Variants in DAB1 observed in about 807,000 individuals in gnomAD.
DAB1 encodes DAB adaptor protein 1.
DAB1 carries 15 observed loss-of-function variants against 64.6 expected under a neutral mutation model. That is an observed-to-expected ratio of 0.23 (90% confidence interval 0.16 to 0.36). DAB1 has a LOEUF of 0.36. Ranked by LOEUF, DAB1 falls within the 10% of genes least tolerant of loss-of-function variation. The probability of loss-of-function intolerance (pLI) is 1.00; values close to 1 mark genes in which losing one functional copy is unlikely to be tolerated. For missense variants in DAB1, 596 were observed against 706.7 expected, an observed-to-expected ratio of 0.84 and a Z score of 1.78; for synonymous variants, 235 against 251.9, an observed-to-expected ratio of 0.93 and a Z score of 0.64.
At chr1:58,292,964 G>C (rs1661882202) in intron 4 of DAB1, among the ~76,000 whole-genome samples, 1 of 152,046 alleles carries the variant, frequency 6.6e-6, no homozygotes. Context: ...GCTTGCGAAT[G>C]GTGAAGTGGA....
intron 7 of DAB1, among the ~76,000 whole-genome samples, chr1:57,635,957 C>T (rs1287988739): frequency 1.3e-5 from 2 of 151,962 alleles, no homozygotes; most frequent in East Asian, 1.9e-4. Flanking sequence ...ATTAGCCAGG[C>T]GCGGTGGCGG....
At chr1:58,387,095 A>G (rs1267886193) in intron 3 of DAB1, among the ~76,000 whole-genome samples, 1 of 152,142 alleles carries the variant, frequency 6.6e-6, no homozygotes, top group Admixed American at 6.6e-5. Flanking sequence ...ACAAACAAAC[A>G]AAAAAAGTGT....
intron 5 of DAB1, among the ~76,000 whole-genome samples, chr1:58,066,226 T>C (rs954543537): frequency 6.6e-6 from 1 of 152,048 alleles, no homozygotes; most frequent in Non-Finnish European, 1.5e-5. Flanking sequence ...ATGAATAACA[T>C]GAGACACTGT....
At chr1:58,018,133 C>G (rs1646767721) in intron 5 of DAB1, among the ~76,000 whole-genome samples, 1 of 150,760 alleles carries the variant, frequency 6.6e-6, no homozygotes. Context: ...TTTTATACAC[C>G]AAGGCAACAC....
intron 7 of DAB1, among the ~76,000 whole-genome samples, chr1:57,451,482 A>G (rs1686361243): frequency 6.6e-6 from 1 of 152,142 alleles, no homozygotes; most frequent in Admixed American, 6.5e-5. Flanking sequence ...ATGTTTTGTG[A>G]TGTGTAGGAC....
chr1:57,676,395 G>A (rs1570727951), intron 6 of DAB1, among the ~76,000 whole-genome samples: 1 of 152,332 alleles, frequency 6.6e-6, no homozygotes, highest in African/African-American at 2.4e-5. Context: ...TCTGATCAAA[G>A]GAGGCTCCAG....
intron 3 of DAB1, among the ~76,000 whole-genome samples, chr1:58,448,346 A>G (rs1645094640): frequency 6.6e-6 from 1 of 152,186 alleles, no homozygotes; most frequent in Admixed American, 6.5e-5. Flanking sequence ...TAGATAGATA[A>G]GATAGGTAGA....
intron 2 of DAB1, among the ~76,000 whole-genome samples, chr1:57,161,328 T>C (rs969989288): frequency 2.6e-5 from 4 of 152,162 alleles, no homozygotes; most frequent in African/African-American, 9.7e-5. Context: ...CAACCAGAGC[T>C]AAAACTTTTC....
intron 2 of DAB1, among the ~76,000 whole-genome samples, chr1:57,156,143 C>T (rs908236530): frequency 2.7e-4 from 41 of 152,066 alleles, no homozygotes; most frequent in African/African-American, 9.9e-4. Flanking sequence ...AGTAGATGTG[C>T]CTCCGCTTTC....
chr1:57,361,447 T>C (rs917882119), intron 1 of DAB1, among the ~76,000 whole-genome samples: 1 of 152,158 alleles, frequency 6.6e-6, no homozygotes, highest in African/African-American at 2.4e-5. Context: ...GATGGTAACA[T>C]ATTGCATTAT....
chr1:58,535,118 A>C (rs1224118561), intron 1 of DAB1, among the ~76,000 whole-genome samples: 1 of 152,214 alleles, frequency 6.6e-6, no homozygotes, highest in Non-Finnish European at 1.5e-5. Flanking sequence ...GATTGAAAGG[A>C]AATTACTGAA....
chr1:58,238,751 A>G (rs909146857), intron 4 of DAB1, among the ~76,000 whole-genome samples: 3 of 152,170 alleles, frequency 2.0e-5, no homozygotes, highest in Non-Finnish European at 4.4e-5. Context: ...AGGTGAAATC[A>G]GGAAGAGAGC....
intron 5 of DAB1, among the ~76,000 whole-genome samples, chr1:58,142,298 A>C (rs1654332476): frequency 6.6e-6 from 1 of 152,246 alleles, no homozygotes; most frequent in African/African-American, 2.4e-5. Context: ...AGCAGCATTA[A>C]GCTGGTGTTT....
intron 3 of DAB1, among the ~76,000 whole-genome samples, chr1:58,450,295 A>G (rs1452661856): frequency 1.3e-5 from 2 of 152,146 alleles, no homozygotes; most frequent in Admixed American, 6.5e-5. Context: ...CCTTGACTCA[A>G]AGGTGACCTG....
intron 9 of DAB1, among the ~76,000 whole-genome samples, chr1:57,029,369 G>A (rs1646894801): frequency 6.6e-6 from 1 of 152,216 alleles, no homozygotes; most frequent in African/African-American, 2.4e-5. Flanking sequence ...CAAGGACAGG[G>A]CCCTCAGGAA....
intron 1 of DAB1, chr1:58,534,466 A>C (rs1646485638): frequency 5.7e-6 from 3 of 529,440 alleles, no homozygotes; most frequent in Non-Finnish European, 9.9e-6. Flanking sequence ...TATATTAAGC[A>C]CTGAAATTTC....
intron 2 of DAB1, among the ~76,000 whole-genome samples, chr1:57,146,691 C>T (rs1415220078): frequency 6.6e-6 from 1 of 152,202 alleles, no homozygotes; most frequent in East Asian, 1.9e-4. Context: ...TACTGAGCAT[C>T]TCCTCTGTAC....
intron 6 of DAB1, among the ~76,000 whole-genome samples, chr1:57,712,285 C>G (rs1647037276): frequency 1.3e-5 from 2 of 152,140 alleles, no homozygotes; most frequent in Admixed American, 6.5e-5. Context: ...TGAGGCCTAC[C>G]TACAAAAATG....
At chr1:57,858,810 G>A (rs852803) in intron 1 of DAB1, among the ~76,000 whole-genome samples, 58,982 of 148,780 alleles carry the variant, frequency 0.4, 12,590 homozygotes, top group Non-Finnish European at 0.49. Flanking sequence ...GATTTTACCT[G>A]ATTACAAAGA....
Sources: gnomAD v4.1 joint callset for allele counts (sites outside exome capture counted in the v4.1 genomes callset) on GRCh38, gnomAD v4.1.1 for gene constraint, MANE v1.5 for transcripts, NCBI Gene and HGNC (gene_info 2026-07-23, HGNC 2026-07-21) for gene names.